RSRC1: variants seen among roughly 807,000 people sequenced by gnomAD.
RSRC1 encodes the protein serine/Arginine-related protein 53.
RSRC1 carries 39 observed loss-of-function variants against 49.1 expected under a neutral mutation model. The ratio of observed to expected loss-of-function variants is 0.79; its 90% CI spans 0.61 to 1.04. The LOEUF (loss-of-function observed/expected upper bound fraction) is 1.04, where lower values mean the gene tolerates loss of function less well. Ranked by LOEUF, RSRC1 falls within the 50% of genes least tolerant of loss-of-function variation. The pLI, the probability that RSRC1 is intolerant of heterozygous loss-of-function variation, is 0.00. For missense variants in RSRC1, 388 were observed against 402.4 expected, an observed-to-expected ratio of 0.96 and a Z score of 0.31; for synonymous variants, 143 against 130.8, an observed-to-expected ratio of 1.09 and a Z score of -0.63.
chr3:158,267,987 C>T (rs2108049238), intron 4 of RSRC1, among the ~76,000 whole-genome samples: 1 of 151,812 alleles, frequency 6.6e-6, no homozygotes, highest in South Asian at 2.1e-4. Flanking sequence ...GATCCTCTTC[C>T]TTCCTATAGG....
At chr3:158,289,640 G>A (rs1032326477) in intron 4 of RSRC1, among the ~76,000 whole-genome samples, 1 of 152,084 alleles carries the variant, frequency 6.6e-6, no homozygotes, top group African/African-American at 2.4e-5. Flanking sequence ...TTCATTTAGA[G>A]CCACTAATTT....
chr3:158,435,169 T>C (rs1476097543), intron 6 of RSRC1, among the ~76,000 whole-genome samples: 1 of 151,882 alleles, frequency 6.6e-6, no homozygotes, highest in Non-Finnish European at 1.5e-5. Context: ...CTTCTATTTA[T>C]CTATTTTTTT....
intron 3 of RSRC1, among the ~76,000 whole-genome samples, chr3:158,195,690 G>T (rs928632456): frequency 7.2e-5 from 11 of 152,116 alleles, no homozygotes; most frequent in Admixed American, 2.0e-4. Context: ...TGTAAGGAAG[G>T]GATCCAGTTT....
At chr3:158,280,459 A>G (rs933092013) in intron 4 of RSRC1, among the ~76,000 whole-genome samples, 13 of 152,044 alleles carry the variant, frequency 8.6e-5, no homozygotes, top group Non-Finnish European at 4.4e-5. Flanking sequence ...ATGACCTGGT[A>G]TATGTTGTTC....
chr3:158,175,164 T>C (rs1012010709), intron 3 of RSRC1, among the ~76,000 whole-genome samples: 1 of 152,130 alleles, frequency 6.6e-6, no homozygotes, highest in East Asian at 1.9e-4. Context: ...TATTAGGCAA[T>C]TGGTTACTTA....
At chr3:158,443,986 A>G (rs954017283) in intron 6 of RSRC1, among the ~76,000 whole-genome samples, 1 of 152,176 alleles carries the variant, frequency 6.6e-6, no homozygotes, top group Non-Finnish European at 1.5e-5. Flanking sequence ...ACACTTATCA[A>G]TTAAGTTAAT....
chr3:158,207,225 C>T (rs989250333), intron 4 of RSRC1, among the ~76,000 whole-genome samples: 4 of 152,080 alleles, frequency 2.6e-5, no homozygotes, highest in Admixed American at 1.3e-4. Context: ...GTTGTTTAAA[C>T]GTTCCTAGAA....
intron 5 of RSRC1, among the ~76,000 whole-genome samples, chr3:158,327,444 T>C (rs1396546588): frequency 6.6e-6 from 1 of 152,234 alleles, no homozygotes; most frequent in Non-Finnish European, 1.5e-5. Context: ...TTTGTTCTCA[T>C]TGGTTTCAAA....
At chr3:158,428,950 A>C in intron 6 of RSRC1, among the ~76,000 whole-genome samples, 1 of 151,846 alleles carries the variant, frequency 6.6e-6, no homozygotes, top group East Asian at 1.9e-4. Context: ...GCAGGTCGAA[A>C]GGCAGGTGCA....
intron 6 of RSRC1, among the ~76,000 whole-genome samples, chr3:158,419,256 G>C (rs1734910718): frequency 6.6e-6 from 1 of 151,970 alleles, no homozygotes; most frequent in African/African-American, 2.4e-5. Flanking sequence ...GTTAGTGTGA[G>C]ATACCAGGGT....
chr3:158,422,407 A>G (rs2108340348), intron 6 of RSRC1, among the ~76,000 whole-genome samples: 1 of 151,866 alleles, frequency 6.6e-6, no homozygotes, highest in South Asian at 2.1e-4. Flanking sequence ...ACGTGAACTC[A>G]TCATTTTTTA....
At chr3:158,297,738 C>G (rs1727316576) in intron 4 of RSRC1, among the ~76,000 whole-genome samples, 1 of 151,576 alleles carries the variant, frequency 6.6e-6, no homozygotes, top group African/African-American at 2.4e-5. Context: ...AATAGAAAAG[C>G]TAGTGTGAAA....
intron 7 of RSRC1, among the ~76,000 whole-genome samples, chr3:158,497,947 A>G (rs1739425155): frequency 6.6e-6 from 1 of 152,134 alleles, no homozygotes; most frequent in Non-Finnish European, 1.5e-5. Context: ...CATATCTCAC[A>G]GTTTATTTAT....
At chr3:158,221,371 G>A (rs1374649437) in intron 4 of RSRC1, among the ~76,000 whole-genome samples, 1 of 151,282 alleles carries the variant, frequency 6.6e-6, no homozygotes, top group Non-Finnish European at 1.5e-5. Context: ...TAAGTTGAAA[G>A]ATGGATTTCT....
At chr3:158,301,537 G>GA (rs1483250911) in intron 5 of RSRC1, among the ~76,000 whole-genome samples, 67 of 152,138 alleles carry the variant, frequency 4.4e-4, no homozygotes, top group African/African-American at 1.6e-3. Context: ...TGGCTTCTGG[G>GA]TTCTTATAAC....
At chr3:158,425,534 T>C (rs964550912) in intron 6 of RSRC1, among the ~76,000 whole-genome samples, 1 of 152,016 alleles carries the variant, frequency 6.6e-6, no homozygotes, top group African/African-American at 2.4e-5. Context: ...AGATGTGGTG[T>C]GGTGCTGAAA....
At chr3:158,306,239 CCTT>C (rs1338938748) in intron 5 of RSRC1, among the ~76,000 whole-genome samples, 1 of 151,822 alleles carries the variant, frequency 6.6e-6, no homozygotes, top group Non-Finnish European at 1.5e-5. Flanking sequence ...TCTCCTGTAT[CCTT>C]CTCTGTTTTC....
At chr3:158,288,075 A>C (rs1329786128) in intron 4 of RSRC1, among the ~76,000 whole-genome samples, 1 of 152,124 alleles carries the variant, frequency 6.6e-6, no homozygotes, top group Non-Finnish European at 1.5e-5. Context: ...TATGTGATGG[A>C]CCTAAAAACT....
At chr3:158,278,734 CTAAT>C (rs1207466917) in intron 4 of RSRC1, among the ~76,000 whole-genome samples, 3 of 152,182 alleles carry the variant, frequency 2.0e-5, no homozygotes, top group South Asian at 2.1e-4. Context: ...CATTCAAACA[CTAAT>C]TAAGTCATCT....
Sources: gnomAD v4.1 joint callset for allele counts (sites outside exome capture counted in the v4.1 genomes callset) on GRCh38, gnomAD v4.1.1 for gene constraint, MANE v1.5 for transcripts, NCBI Gene and HGNC (gene_info 2026-07-23, HGNC 2026-07-21) for gene names.